The following SRGAP3 variants were observed in gnomAD, a reference collection of about 807,000 sequenced individuals.
SRGAP3 encodes SLIT-ROBO Rho GTPase-activating protein 3.
Under a neutral mutation model 121.1 loss-of-function variants are expected in SRGAP3, and 39 were observed. That is an observed-to-expected ratio of 0.32 (90% CI 0.25 to 0.42). SRGAP3 has a LOEUF of 0.42. Among genes scored for constraint, SRGAP3 ranks in the 10% least tolerant of loss-of-function variants. SRGAP3 has a pLI of 1.00. For missense variants in SRGAP3, 1,213 were observed against 1,470.6 expected (o/e 0.82, Z 2.86); for synonymous variants, 601 against 570.0 (o/e 1.05, Z -0.77).
intron 1 of SRGAP3, among the ~76,000 whole-genome samples, chr3:9,214,769 A>G (rs1057152139): frequency 6.6e-6 from 1 of 152,236 alleles, no homozygotes; most frequent in African/African-American, 2.4e-5. Context: ...AGAAATAAAA[A>G]GAGTGATGAA....
At chr3:9,279,758 C>G (rs1026871529) in intron 3 of SRGAP3, among the ~76,000 whole-genome samples, 3 of 152,028 alleles carry the variant, frequency 2.0e-5, no homozygotes, top group Non-Finnish European at 4.4e-5. Flanking sequence ...CATGATCCAC[C>G]CGCCTCGGCC....
intron 3 of SRGAP3, among the ~76,000 whole-genome samples, chr3:9,260,499 T>C (rs757186614): frequency 1.1e-4 from 16 of 152,168 alleles, no homozygotes; most frequent in Non-Finnish European, 2.1e-4. Flanking sequence ...TTGAGTAGGT[T>C]GTTTTCCCCT....
intron 3 of SRGAP3, among the ~76,000 whole-genome samples, chr3:9,284,814 T>G (rs868216804): frequency 8.4e-6 from 1 of 119,182 alleles, no homozygotes; most frequent in African/African-American, 3.2e-5. Flanking sequence ...GCCTGGGCAA[T>G]AGAATGAGAG....
intron 9 of SRGAP3, among the ~76,000 whole-genome samples, chr3:9,048,816 C>T (rs1161264407): frequency 6.6e-6 from 1 of 151,988 alleles, no homozygotes; most frequent in Non-Finnish European, 1.5e-5. Flanking sequence ...AGAGTGAGAC[C>T]CTATCTCCAC....
At chr3:9,303,974 A>T (rs1955112536) in intron 3 of SRGAP3, among the ~76,000 whole-genome samples, 1 of 152,156 alleles carries the variant, frequency 6.6e-6, no homozygotes, top group African/African-American at 2.4e-5. Context: ...CTGAGTGTAC[A>T]ACGGGGGAAA....
chr3:9,139,167 G>A (rs1414024377), intron 1 of SRGAP3, among the ~76,000 whole-genome samples: 1 of 152,182 alleles, frequency 6.6e-6, no homozygotes, highest in Non-Finnish European at 1.5e-5. Context: ...CAGCACCAGT[G>A]CCTGCCACCA....
intron 3 of SRGAP3, chr3:9,257,504 C>G (rs900916231): frequency 5.9e-5 from 9 of 151,906 alleles, no homozygotes; most frequent in African/African-American, 1.7e-4. Flanking sequence ...TTTTAAGCCC[C>G]CAAGTATATG....
intron 3 of SRGAP3, among the ~76,000 whole-genome samples, chr3:9,095,060 C>A (rs1414264025): frequency 6.6e-6 from 1 of 152,166 alleles, no homozygotes; most frequent in Non-Finnish European, 1.5e-5. Context: ...CACCTGTAAT[C>A]CCAGACCATA....
chr3:9,010,039 G>A (rs972638859), intron 18 of SRGAP3, among the ~76,000 whole-genome samples: 2 of 152,194 alleles, frequency 1.3e-5, no homozygotes, highest in African/African-American at 4.8e-5. Flanking sequence ...ACCTGGGCCA[G>A]GCAGGACACA....
intron 1 of SRGAP3, among the ~76,000 whole-genome samples, chr3:9,339,573 T>C (rs1488256221): frequency 1.3e-5 from 2 of 152,210 alleles, no homozygotes; most frequent in Non-Finnish European, 2.9e-5. Context: ...CACGACTTCA[T>C]TAAAGGGTAG....
chr3:9,242,002 C>G (rs1953659483), intron 1 of SRGAP3, among the ~76,000 whole-genome samples: 1 of 146,448 alleles, frequency 6.8e-6, no homozygotes, highest in African/African-American at 2.6e-5. Flanking sequence ...CACTTGAGCC[C>G]AGGGGGTGGA....
intron 1 of SRGAP3, among the ~76,000 whole-genome samples, chr3:9,133,783 T>A (rs1159743535): frequency 6.6e-6 from 1 of 152,250 alleles, no homozygotes; most frequent in Non-Finnish European, 1.5e-5. Flanking sequence ...TTTACCAGTT[T>A]ATACTACGAT....
chr3:9,300,147 T>C (rs868558538), intron 3 of SRGAP3, among the ~76,000 whole-genome samples: 1 of 1,368 alleles, frequency 7.3e-4, no homozygotes, highest in African/African-American at 2.3e-3. Flanking sequence ...TTAGCCACCA[T>C]CGTCACCACC....
chr3:9,088,640 T>C (rs1474811075), intron 3 of SRGAP3, among the ~76,000 whole-genome samples: 3 of 152,204 alleles, frequency 2.0e-5, no homozygotes, highest in Non-Finnish European at 4.4e-5. Context: ...CCCCCTCTCC[T>C]GCCCAATTGA....
At chr3:9,297,416 T>A (rs1954970037) in intron 3 of SRGAP3, among the ~76,000 whole-genome samples, 1 of 152,128 alleles carries the variant, frequency 6.6e-6, no homozygotes. Flanking sequence ...ATTATCTACA[T>A]GAGGATAAAC....
chr3:9,186,547 T>C (rs1951599726), intron 1 of SRGAP3, among the ~76,000 whole-genome samples: 1 of 152,288 alleles, frequency 6.6e-6, no homozygotes, highest in African/African-American at 2.4e-5. Context: ...CAGAAACTTG[T>C]TTAATCCTCA....
Position 8,990,803 on chromosome 3 carries a change from T to G in SRGAP3, c.2595A>C (p.Arg865Ser). 6.3e-7 allele frequency: 1 copy of G among 1,582,220 alleles called. No individual in the cohort carries two copies. Among genetic ancestry groups the G allele is most frequent in the Middle Eastern group, 1.7e-4 (1 of 5,926 alleles). Residue 865 changes from arginine (R) to serine (S), a missense_variant, in exon 21 of 22, where the codon AGA (arginine) becomes AGC (serine). Coordinates refer to ENST00000383836, the MANE Select transcript of SRGAP3 (RefSeq NM_014850.4). ...TGTGTGTGTCGCCCCCGCTTCGGCG[T>G]CTGGGGATGGCTGCTCCATCAGATC... ...RLRSDGAAIPRRRSGGDTHSP... is the reference protein window; with the variant it reads ...RLRSDGAAIPSRRSGGDTHSP...
intron 3 of SRGAP3, among the ~76,000 whole-genome samples, chr3:9,260,623 C>A (rs1954235204): frequency 6.6e-6 from 1 of 152,242 alleles, no homozygotes; most frequent in Admixed American, 6.5e-5. Flanking sequence ...GGCAGGGCAT[C>A]TCTGAAAGAA....
chr3:9,253,923 A>G (rs1954070145), upstream of SRGAP3, among the ~76,000 whole-genome samples: 1 of 152,220 alleles, frequency 6.6e-6, no homozygotes, highest in South Asian at 2.1e-4. Flanking sequence ...TTGATGGTAC[A>G]GTTGTTTTAT....
Sources: allele counts gnomAD v4.1 joint callset (sites outside exome capture counted in the v4.1 genomes callset), GRCh38; gene constraint gnomAD v4.1.1; transcripts MANE v1.5; gene names NCBI Gene and HGNC (gene_info 2026-07-23, HGNC 2026-07-21).